CCDC178: variants seen among roughly 807,000 people sequenced by gnomAD.
CCDC178 encodes the protein coiled-coil domain containing 178, also known as coiled-coil domain-containing protein 178.
In CCDC178, 126 loss-of-function variants were observed where a neutral mutation model predicts 117.4. That is an observed-to-expected ratio of 1.07 (90% confidence interval 0.93 to 1.24). CCDC178 has a LOEUF of 1.24. Ranked by LOEUF, CCDC178 falls within the 50% of genes most tolerant of loss-of-function variation. CCDC178 has a pLI of 0.00. For synonymous variants in CCDC178, 283 were observed against 313.4 expected (o/e 0.90, Z 1.02); for missense variants, 1,030 against 986.9 (o/e 1.04, Z -0.59).
chr18:33,034,470 G>A (rs1163509086), intron 21 of CCDC178, among the ~76,000 whole-genome samples: 4 of 152,000 alleles, frequency 2.6e-5, no homozygotes, highest in Non-Finnish European at 5.9e-5. Context: ...TGACATTCTT[G>A]TAAGTTTCTG....
In CCDC178 at chr18:33,333,310, T is replaced by G; in HGVS notation, c.743A>C (p.Gln248Pro). 1.2e-6 allele frequency: 2 copies of G among 1,613,006 alleles called. No homozygotes were observed. The highest frequency in any genetic ancestry group is 1.7e-6 in the Non-Finnish European group (2 of 1,179,276). Residue 248 changes from glutamine to proline, a missense_variant, in exon 10 of 23, where the codon CAA becomes CCA. Transcript: ENST00000383096. ...KANQLQHFEK[Q>P]KTELEEANAK... is the part of the protein sequence containing the mutation. ...ATTTGCTTCTTCTAACTCTGTCTTT[T>G]GTTTTTCAAAATGTTGTAGTTGATT...
intron 14 of CCDC178, among the ~76,000 whole-genome samples, chr18:33,256,368 G>T (rs1267351935): frequency 6.6e-6 from 1 of 152,000 alleles, no homozygotes; most frequent in Non-Finnish European, 1.5e-5. Flanking sequence ...GGGCAGAAGA[G>T]GTTGAGACCA....
At chr18:33,327,927 C>T (rs555594979) in intron 10 of CCDC178, among the ~76,000 whole-genome samples, 1 of 152,014 alleles carries the variant, frequency 6.6e-6, no homozygotes, top group South Asian at 2.1e-4. Context: ...ATATAATTTG[C>T]AATGTTTTCT....
At position 33,012,589 on chromosome 18, in the gene CCDC178, C is replaced by T. The variant is rs116971015; in HGVS notation, c.2389-37908G>A. Among the ~76,000 whole-genome samples the T allele has an allele frequency of 8.1e-3, 1,237 of 152,190 alleles. 10 individuals are homozygous for T. Among genetic ancestry groups the T allele is most frequent in the Non-Finnish European group, 9.9e-3 (675 of 67,986 alleles). ...GTCCATGCAGTGCCTCATTTTACAG[C>T]GCTCCCCTAAAATATTTTTCTTAAC... On this transcript the variant is annotated intron_variant, in intron 21 of 22. Transcript: ENST00000383096.
At chr18:33,336,039 A>C (rs527562292) in intron 9 of CCDC178, among the ~76,000 whole-genome samples, 1 of 152,142 alleles carries the variant, frequency 6.6e-6, no homozygotes, top group African/African-American at 2.4e-5. Flanking sequence ...TTTAAATGAC[A>C]TTCTCCACTT....
intron 17 of CCDC178, among the ~76,000 whole-genome samples, chr18:33,224,478 A>G (rs1290458430): frequency 6.6e-6 from 1 of 152,216 alleles, no homozygotes; most frequent in Non-Finnish European, 1.5e-5. Flanking sequence ...ATTAAGAAGG[A>G]GTGAAGACTT....
At chr18:33,061,097 T>G (rs2056913549) in intron 21 of CCDC178, among the ~76,000 whole-genome samples, 1 of 152,124 alleles carries the variant, frequency 6.6e-6, no homozygotes, top group Non-Finnish European at 1.5e-5. Context: ...TCAACTTTTG[T>G]TATCAGGCTT....
intron 21 of CCDC178, among the ~76,000 whole-genome samples, chr18:33,061,872 C>T (rs1892185713): frequency 6.6e-6 from 1 of 152,022 alleles, no homozygotes; most frequent in African/African-American, 2.4e-5. Flanking sequence ...TAGTGAAAAT[C>T]TCTGATTCAA....
rs561050391 is a variant in CCDC178, at chr18:33,215,796, T to C, written c.1933-101A>G. ...CATTGGCTGTGTGAACAACTAAAAG[T>C]TAATAGTGGGCCACACCTGATGGCT... On this transcript the variant is annotated intron_variant, in intron 18 of 22. Transcript: ENST00000383096. 9.5e-4 allele frequency: 856 copies of C among 898,934 alleles called. 3 individuals are homozygous for C. In the Middle Eastern group the frequency reaches 9.9e-3, roughly 10 times the overall value. 55.7% of individuals were successfully genotyped at this position (898,934 alleles called of 1,614,324 possible). A position where few individuals can be genotyped will look rare whatever the true frequency, so the allele number is the denominator to read the frequency against.
intron 21 of CCDC178, among the ~76,000 whole-genome samples, chr18:33,013,327 C>G (rs539708152): frequency 6.6e-6 from 1 of 152,234 alleles, no homozygotes; most frequent in South Asian, 2.1e-4. Context: ...GGTATGGACA[C>G]TATCAGTCTT....
chr18:33,186,459 G>A (rs1227467242), intron 20 of CCDC178, among the ~76,000 whole-genome samples: 1 of 152,056 alleles, frequency 6.6e-6, no homozygotes, highest in African/African-American at 2.4e-5. Context: ...TCTTACATGT[G>A]TAGTGACCAA....
chr18:33,324,312 C>T (rs745678216), intron 10 of CCDC178, among the ~76,000 whole-genome samples: 6 of 151,838 alleles, frequency 4.0e-5, no homozygotes, highest in Non-Finnish European at 5.9e-5. Flanking sequence ...ACATGCACAA[C>T]GCATGTATGA....
At chr18:33,256,556 A>G (rs1015134714) in intron 14 of CCDC178, among the ~76,000 whole-genome samples, 1 of 152,038 alleles carries the variant, frequency 6.6e-6, no homozygotes, top group Admixed American at 6.6e-5. Context: ...TTAAAGTTTT[A>G]TTTCTGAGTT....
intron 20 of CCDC178, among the ~76,000 whole-genome samples, chr18:33,093,560 T>C (rs2057499547): frequency 6.6e-6 from 1 of 152,066 alleles, no homozygotes; most frequent in Admixed American, 6.6e-5. Context: ...ACTAAATAAA[T>C]ATATGTCAAA....
intron 21 of CCDC178, among the ~76,000 whole-genome samples, chr18:32,990,785 A>G (rs568763582): frequency 2.0e-5 from 3 of 152,150 alleles, no homozygotes; most frequent in South Asian, 4.1e-4. Context: ...TCAACAAAAT[A>G]TTAGCGTCCA....
chr18:33,001,945 T>G (rs1187511656), intron 21 of CCDC178, among the ~76,000 whole-genome samples: 1 of 152,228 alleles, frequency 6.6e-6, no homozygotes, highest in Non-Finnish European at 1.5e-5. Context: ...AAGGTCATTA[T>G]ATAGTGATAA....
chr18:33,126,835 T>G (rs2058010681), intron 20 of CCDC178, among the ~76,000 whole-genome samples: 1 of 151,870 alleles, frequency 6.6e-6, no homozygotes, highest in Non-Finnish European at 1.5e-5. Flanking sequence ...TTTTTGTATT[T>G]TTAGTAGAGA....
chr18:33,234,600 GA>G (rs1345532337), intron 15 of CCDC178, among the ~76,000 whole-genome samples: 1 of 151,748 alleles, frequency 6.6e-6, no homozygotes, highest in African/African-American at 2.4e-5. Flanking sequence ...ATTTTATCAA[GA>G]AAAAACAACT....
chr18:33,160,105 G>A (rs1303298891), intron 20 of CCDC178, among the ~76,000 whole-genome samples: 1 of 152,110 alleles, frequency 6.6e-6, no homozygotes, highest in East Asian at 1.9e-4. Context: ...ATGGCCCTCA[G>A]GAAAGCTACT....
Sources: gnomAD v4.1 joint callset for allele counts (sites outside exome capture counted in the v4.1 genomes callset) on GRCh38, gnomAD v4.1.1 for gene constraint, MANE v1.5 for transcripts, NCBI Gene and HGNC (gene_info 2026-07-23, HGNC 2026-07-21) for gene names.